ANO1: variants seen among roughly 807,000 people sequenced by gnomAD.
The protein encoded by ANO1 is anoctamin-1.
In ANO1, 59 loss-of-function variants were observed where a neutral mutation model predicts 124.0. The observed-to-expected ratio is 0.48, with a 90% CI of 0.39 to 0.59. ANO1 has a LOEUF of 0.59. Ranked by LOEUF, ANO1 falls within the 20% of genes least tolerant of loss-of-function variation. ANO1 has a pLI of 0.00. For synonymous variants in ANO1, 529 were observed against 532.0 expected (o/e 0.99, Z 0.08); for missense variants, 1,059 against 1,328.0 (o/e 0.80, Z 3.15).
At chr11:70,138,218 G>A (rs573835242) in intron 11 of ANO1, among the ~76,000 whole-genome samples, 2 of 146,550 alleles carry the variant, frequency 1.4e-5, no homozygotes, top group South Asian at 2.4e-4. Flanking sequence ...AGTGGCACGC[G>A]CCTGTAGTCC....
intron 2 of ANO1, among the ~76,000 whole-genome samples, chr11:70,101,416 C>T (rs1328291751): frequency 6.6e-6 from 1 of 151,600 alleles, no homozygotes; most frequent in Non-Finnish European, 1.5e-5. Context: ...ATTAGCTAGG[C>T]GTGGTGGTGC....
intron 1 of ANO1, chr11:70,065,236 T>G (rs1366595673): frequency 6.6e-6 from 1 of 152,360 alleles, no homozygotes; most frequent in Non-Finnish European, 1.5e-5. Context: ...CGGGTGGGGC[T>G]GCCCCAGGAG....
intron 8 of ANO1, 146 bp downstream of exon 8, chr11:70,116,645 C>G (rs1304517907): frequency 1.5e-6 from 1 of 663,258 alleles, no homozygotes; most frequent in East Asian, 2.8e-5. Context: ...AAGCGGGTGT[C>G]CCCTCTCACC....
intron 1 of ANO1, among the ~76,000 whole-genome samples, chr11:70,011,442 T>G (rs1166386509): frequency 6.6e-6 from 1 of 152,206 alleles, no homozygotes; most frequent in Non-Finnish European, 1.5e-5. Flanking sequence ...GCTGCCAGTA[T>G]GTGCCAGCTT....
intron 1 of ANO1, among the ~76,000 whole-genome samples, chr11:70,083,251 T>C (rs2044255499): frequency 6.6e-6 from 1 of 152,162 alleles, no homozygotes; most frequent in Non-Finnish European, 1.5e-5. Flanking sequence ...CTTTACAAGA[T>C]ATATTAACAG....
chr11:69,971,668 G>A, the ANO1 span, among the ~76,000 whole-genome samples: 6 of 152,132 alleles, frequency 3.9e-5, no homozygotes, highest in East Asian at 1.2e-3. Flanking sequence ...CATGGACTGG[G>A]GCTGTCGGAG....
intron 1 of ANO1, among the ~76,000 whole-genome samples, chr11:70,008,797 C>T (rs1856540710): frequency 6.6e-6 from 1 of 152,120 alleles, no homozygotes; most frequent in African/African-American, 2.4e-5. Flanking sequence ...GTGATTGTGC[C>T]ATCCAGAATG....
intron 20 of ANO1, among the ~76,000 whole-genome samples, chr11:70,166,472 AG>A (rs1301472064): frequency 6.6e-6 from 1 of 152,160 alleles, no homozygotes; most frequent in East Asian, 1.9e-4. Flanking sequence ...CTGGCTCCCC[AG>A]GGTTTCCAGA....
intron 7 of ANO1, 139 bp downstream of exon 7, chr11:70,111,901 C>G: frequency 2.3e-6 from 2 of 865,988 alleles, no homozygotes; most frequent in Non-Finnish European, 3.7e-6. Flanking sequence ...CAACTGTACA[C>G]AGGCCTTCCC....
chr11:70,135,280 G>A (rs2046915479), intron 11 of ANO1, among the ~76,000 whole-genome samples: 1 of 152,178 alleles, frequency 6.6e-6, no homozygotes, highest in African/African-American at 2.4e-5. Context: ...GGCCTCCGAT[G>A]GAAAAGAGAG....
At chr11:70,094,246 C>T (rs1474202230) in intron 2 of ANO1, among the ~76,000 whole-genome samples, 2 of 152,188 alleles carry the variant, frequency 1.3e-5, no homozygotes, top group Non-Finnish European at 2.9e-5. Context: ...CCCTGCCCGC[C>T]GCCAGGTGAC....
At chr11:70,168,926 T>C (rs552585189) in intron 21 of ANO1, among the ~76,000 whole-genome samples, 1 of 150,950 alleles carries the variant, frequency 6.6e-6, no homozygotes, top group African/African-American at 2.4e-5. Context: ...GAATCTTCAG[T>C]GTGGCGTTCT....
the ANO1 span, among the ~76,000 whole-genome samples, chr11:69,971,832 A>T: frequency 1.3e-5 from 2 of 151,744 alleles, no homozygotes; most frequent in Non-Finnish European, 2.9e-5. Flanking sequence ...CGGAAAGGTG[A>T]CTCTTATCCC....
At chr11:70,130,631 TG>T (rs1250311001) in intron 10 of ANO1, among the ~76,000 whole-genome samples, 1 of 152,182 alleles carries the variant, frequency 6.6e-6, no homozygotes, top group Non-Finnish European at 1.5e-5. Flanking sequence ...AAGTCAGTGC[TG>T]GGGAGGAGGC....
intron 2 of ANO1, among the ~76,000 whole-genome samples, chr11:70,096,512 C>T (rs933295818): frequency 6.6e-6 from 1 of 152,102 alleles, no homozygotes; most frequent in African/African-American, 2.4e-5. Flanking sequence ...ACAGTGCATG[C>T]GAGGGATCTA....
intron 1 of ANO1, among the ~76,000 whole-genome samples, chr11:70,082,034 C>T (rs2044217177): frequency 6.6e-6 from 1 of 152,230 alleles, no homozygotes; most frequent in African/African-American, 2.4e-5. Context: ...AATCCTGTGA[C>T]CTAAGTCCAG....
the ANO1 span, among the ~76,000 whole-genome samples, chr11:69,971,289 G>C: frequency 6.6e-6 from 1 of 152,174 alleles, no homozygotes; most frequent in Non-Finnish European, 1.5e-5. Context: ...GACCACGTGT[G>C]ATTCTATGTT....
intron 14 of ANO1, among the ~76,000 whole-genome samples, chr11:70,155,070 T>C (rs978785673): frequency 9.2e-5 from 14 of 152,206 alleles, no homozygotes; most frequent in African/African-American, 3.4e-4. Context: ...CAGGAGTCAG[T>C]GTATGGCCTC....
chr11:70,057,570 A>G (rs1426069748), intron 1 of ANO1, among the ~76,000 whole-genome samples: 1 of 152,040 alleles, frequency 6.6e-6, no homozygotes, highest in Admixed American at 6.6e-5. Context: ...GGATTTGGGT[A>G]GGCAGTGGAA....
Sources: allele counts gnomAD v4.1 joint callset (sites outside exome capture counted in the v4.1 genomes callset), GRCh38; gene constraint gnomAD v4.1.1; transcripts MANE v1.5; gene names NCBI Gene and HGNC (gene_info 2026-07-23, HGNC 2026-07-21).